ARHGAP32: variants seen among roughly 807,000 people sequenced by gnomAD.
The protein encoded by ARHGAP32 is rho GTPase-activating protein 32.
ARHGAP32 carries 51 observed loss-of-function variants against 186.5 expected under a neutral mutation model. The observed-to-expected ratio is 0.27, with a 90% CI of 0.22 to 0.35. The LOEUF is 0.35. Among genes scored for constraint, ARHGAP32 ranks in the 10% least tolerant of loss-of-function variants. ARHGAP32 has a pLI of 1.00. For synonymous variants in ARHGAP32, 950 were observed against 964.3 expected, an observed-to-expected ratio of 0.99 and a Z score of 0.27; for missense variants, 2,186 against 2,623.5, an observed-to-expected ratio of 0.83 and a Z score of 3.64.
intron 11 of ARHGAP32, among the ~76,000 whole-genome samples, chr11:129,014,374 A>G (rs1385207558): frequency 6.6e-6 from 1 of 152,180 alleles, no homozygotes; most frequent in Non-Finnish European, 1.5e-5. Flanking sequence ...CTGTTTAATT[A>G]CACCAGCGTA....
At chr11:129,154,131 G>C (rs953562262) in intron 2 of ARHGAP32, among the ~76,000 whole-genome samples, 2 of 152,054 alleles carry the variant, frequency 1.3e-5, no homozygotes, top group Non-Finnish European at 2.9e-5. Flanking sequence ...ATGAAAAAAT[G>C]CTCCACATTA....
At chr11:129,193,589 T>TATATA (rs1565464629), upstream of ARHGAP32, among the ~76,000 whole-genome samples, 33 of 47,238 alleles carry the variant, frequency 7.0e-4, no homozygotes, top group African/African-American at 1.1e-3. Context: ...TATTATATAA[T>TATATA]ATATGTTATA....
intron 2 of ARHGAP32, among the ~76,000 whole-genome samples, chr11:129,126,668 T>A (rs906818194): frequency 6.6e-6 from 1 of 152,148 alleles, no homozygotes; most frequent in East Asian, 1.9e-4. Context: ...ACGTACATGA[T>A]ATATCAGACT....
At chr11:129,141,632 A>G (rs1271401254) in intron 2 of ARHGAP32, among the ~76,000 whole-genome samples, 6 of 151,978 alleles carry the variant, frequency 3.9e-5, no homozygotes, top group South Asian at 2.1e-4. Context: ...TAAAAAAAAA[A>G]AAAGAAAGAA....
intron 1 of ARHGAP32, among the ~76,000 whole-genome samples, chr11:129,278,246 G>A (rs915201408): frequency 9.2e-5 from 14 of 152,254 alleles, no homozygotes; most frequent in Non-Finnish European, 1.9e-4. Context: ...AGCTAGCCAT[G>A]TAGCATCACG....
At position 128,966,498 on chromosome 11, in the gene ARHGAP32, G is replaced by C. The variant is rs1253381036; in HGVS notation, c.*2409C>G. Reference sequence around the variant, plus strand: ...AATGAAGCAACTCTAGATTTGATCTGAAGTTTGTGTTTCACGCTTGTAACA... The same window carrying C: ...AATGAAGCAACTCTAGATTTGATCTCAAGTTTGTGTTTCACGCTTGTAACA... On this transcript the variant is annotated 3_prime_UTR_variant, in exon 23 of 23. Coordinates refer to ENST00000682385, the MANE Select transcript of ARHGAP32 (RefSeq NM_001378024.1). 2.6e-5 allele frequency: 4 copies of C among 152,198 alleles called. No individual in the cohort carries two copies. Among genetic ancestry groups the C allele is most frequent in the African/African-American group, 9.6e-5 (4 of 41,454 alleles). 9.4% of individuals were successfully genotyped at this position (152,198 alleles called of 1,614,324 possible). A position where few individuals can be genotyped will look rare whatever the true frequency, so the allele number is the denominator to read the frequency against.
rs181466239 is a variant in ARHGAP32, at chr11:129,148,127, G to C, written c.225+16192C>G. 3.0e-3 allele frequency among the ~76,000 whole-genome samples: 459 copies of C among 152,292 alleles called. 4 individuals carry two copies. In the South Asian group the frequency reaches 0.042, roughly 14 times the overall value. Reference sequence around the variant, plus strand: ...AATGCTAACGTGTAGCTCCCACTTGGACAGACAGAACAGTGTGTGGAGAAC... The same window carrying C: ...AATGCTAACGTGTAGCTCCCACTTGCACAGACAGAACAGTGTGTGGAGAAC... On this transcript the variant is annotated intron_variant, in intron 2 of 22. Coordinates refer to ENST00000682385, the MANE Select transcript of ARHGAP32 (RefSeq NM_001378024.1).
intron 10 of ARHGAP32, among the ~76,000 whole-genome samples, chr11:129,052,818 T>C (rs1940107591): frequency 6.6e-6 from 1 of 152,158 alleles, no homozygotes; most frequent in African/African-American, 2.4e-5. Flanking sequence ...TTCTCCTTTA[T>C]ATCTGAAAAT....
At chr11:128,989,516 T>TCTCACACACACACA (rs369034541) in intron 12 of ARHGAP32, among the ~76,000 whole-genome samples, 6 of 139,036 alleles carry the variant, frequency 4.3e-5, no homozygotes, top group Non-Finnish European at 7.7e-5. Flanking sequence ...GTTTTTTATT[T>TCTCACACACACACA]CACACACACA....
chr11:129,122,992 T>G (rs968882740), intron 5 of ARHGAP32, among the ~76,000 whole-genome samples: 1 of 152,134 alleles, frequency 6.6e-6, no homozygotes, highest in East Asian at 1.9e-4. Context: ...GTATGTAGGT[T>G]GATGTCAAGT....
rs537808170 is a variant in ARHGAP32, at chr11:129,221,479, C to CTGTGTGTGTG, written c.-4-57062_-4-57053dup. On this transcript the variant is annotated intron_variant, in intron 1 of 6. Coordinates refer to the ARHGAP32 transcript ENST00000525234. ...GAAACAAGCTTTGTAATTGTCATTA[C>CTGTGTGTGTG]TGTGTGTGTGTGTGTGTGTGTGTGT... is the stretch of plus-strand genomic sequence containing the variant. 2.6e-3 allele frequency among the ~76,000 whole-genome samples: 317 copies of CTGTGTGTGTG among 121,258 alleles called. 3 individuals carry two copies. The highest frequency in any genetic ancestry group is 4.6e-3 in the African/African-American group (142 of 30,728). 79.5% of individuals were successfully genotyped at this position (121,258 alleles called of 152,430 possible). A position where few individuals can be genotyped will look rare whatever the true frequency, so the allele number is the denominator to read the frequency against.
Position 128,981,884 on chromosome 11 carries a change from T to C in ARHGAP32, c.1579A>G (p.Ile527Val), listed in dbSNP as rs1256677353. ...AGATTTTTTGCATGCATATTTGTGA[T>C]GGAACAATAGTCAGCTAGAAGAGAC... ...HLSLLADYCS[I>V]TNMHAKNLAI... Residue 527 changes from isoleucine (I) to valine (V), a missense_variant, in exon 16 of 23, where the codon ATC becomes GTC. Coordinates refer to ENST00000682385, the MANE Select transcript of ARHGAP32 (RefSeq NM_001378024.1). The C allele has an allele frequency of 6.2e-7, 1 of 1,613,650 alleles. No homozygotes were observed. Among genetic ancestry groups the C allele is most frequent in the Non-Finnish European group, 8.5e-7 (1 of 1,179,846 alleles).
At chr11:129,142,836 C>T (rs2135431498) in intron 2 of ARHGAP32, among the ~76,000 whole-genome samples, 1 of 151,626 alleles carries the variant, frequency 6.6e-6, no homozygotes, top group East Asian at 1.9e-4. Flanking sequence ...GAAAAAGTGA[C>T]TTTTTGCCAC....
chr11:129,050,054 G>A (rs985421972), intron 10 of ARHGAP32, among the ~76,000 whole-genome samples: 4 of 152,150 alleles, frequency 2.6e-5, no homozygotes, highest in African/African-American at 9.7e-5. Flanking sequence ...GCTTAAAGTT[G>A]CAGTTTCCAA....
chr11:129,154,417 A>C (rs1226892311), intron 2 of ARHGAP32, among the ~76,000 whole-genome samples: 1 of 152,204 alleles, frequency 6.6e-6, no homozygotes, highest in Non-Finnish European at 1.5e-5. Context: ...TATATGAAAA[A>C]GACACTTGCA....
At chr11:129,131,279 A>C (rs1565437581) in intron 2 of ARHGAP32, among the ~76,000 whole-genome samples, 1 of 152,076 alleles carries the variant, frequency 6.6e-6, no homozygotes, top group Non-Finnish European at 1.5e-5. Context: ...TTACTCACTT[A>C]TGTGTGTGTG....
intron 1 of ARHGAP32, among the ~76,000 whole-genome samples, chr11:129,185,750 A>C (rs1019479255): frequency 1.3e-5 from 2 of 152,070 alleles, no homozygotes; most frequent in African/African-American, 4.8e-5. Flanking sequence ...AGTTTCCTAA[A>C]GATCTTATTT....
At chr11:129,058,910 G>A (rs1591576404) in intron 10 of ARHGAP32, among the ~76,000 whole-genome samples, 1 of 152,270 alleles carries the variant, frequency 6.6e-6, no homozygotes, top group African/African-American at 2.4e-5. Flanking sequence ...CCTAACAAAG[G>A]TAGGGGACAT....
At chr11:129,267,879 A>G (rs993565532) in intron 1 of ARHGAP32, among the ~76,000 whole-genome samples, 1 of 152,082 alleles carries the variant, frequency 6.6e-6, no homozygotes, top group East Asian at 1.9e-4. Context: ...AGAGGAAGCA[A>G]GTGGAGGGAG....
Sources: gnomAD v4.1 joint callset for allele counts (sites outside exome capture counted in the v4.1 genomes callset) on GRCh38, gnomAD v4.1.1 for gene constraint, MANE v1.5 for transcripts, NCBI Gene and HGNC (gene_info 2026-07-23, HGNC 2026-07-21) for gene names.